Variants in PHYHD1 observed in about 807,000 individuals in gnomAD.
The protein encoded by PHYHD1 is phytanoyl-CoA dioxygenase domain containing 1, also known as phytanoyl-CoA dioxygenase domain-containing protein 1.
Under a neutral mutation model 43.6 loss-of-function variants are expected in PHYHD1, and 42 were observed. The ratio of observed to expected loss-of-function variants is 0.96; its 90% CI spans 0.75 to 1.25. The LOEUF (loss-of-function observed/expected upper bound fraction) is 1.25, where lower values mean the gene tolerates loss of function less well. Ranked by LOEUF, PHYHD1 falls within the 50% of genes most tolerant of loss-of-function variation. The probability of loss-of-function intolerance (pLI) is 0.00; values close to 1 mark genes in which losing one functional copy is unlikely to be tolerated. For missense variants in PHYHD1, 342 were observed against 370.8 expected, an observed-to-expected ratio of 0.92 and a Z score of 0.64; for synonymous variants, 139 against 143.6, an observed-to-expected ratio of 0.97 and a Z score of 0.23.
chr9:128,933,424 T>C (rs1034719761), intron 4 of PHYHD1, among the ~76,000 whole-genome samples: 3 of 151,882 alleles, frequency 2.0e-5, no homozygotes, highest in Non-Finnish European at 2.9e-5. Context: ...CAGGTGTGAG[T>C]CGTTACTCCC....
intron 9 of PHYHD1, chr9:128,938,042 C>T (rs1041872139): frequency 4.1e-6 from 5 of 1,206,164 alleles, no homozygotes; most frequent in South Asian, 1.6e-5. Flanking sequence ...CGTGGTGGCT[C>T]ATGCCTGTAA....
intron 9 of PHYHD1, among the ~76,000 whole-genome samples, chr9:128,939,797 GGCGCCT>G (rs906375017): frequency 4.1e-5 from 5 of 121,852 alleles, no homozygotes; most frequent in African/African-American, 1.3e-4. Context: ...TGGGATTACA[GGCGCCT>G]GCCACCACAC....
At chr9:128,923,159 G>T (rs1841045915) in intron 3 of PHYHD1, among the ~76,000 whole-genome samples, 1 of 152,196 alleles carries the variant, frequency 6.6e-6, no homozygotes, top group Non-Finnish European at 1.5e-5. Context: ...GGCCAGACTG[G>T]TCTTGAACTC....
rs115385660 is a variant in PHYHD1 at position 128,922,008 on chromosome 9, C to T, written c.-81C>T. 1.8e-3 allele frequency: 756 copies of T among 412,716 alleles called. 1 individual carries two copies. Among genetic ancestry groups the T allele is most frequent in the African/African-American group, 0.012 (584 of 48,574 alleles). 25.6% of individuals were successfully genotyped at this position (412,716 alleles called of 1,614,324 possible). On this transcript the variant is annotated 5_prime_UTR_variant, in exon 2 of 13. Transcript: ENST00000372592. ...CCTGGACTGGGACTCAGCCCAGCTG[C>T]TTGGCCTGACCCTCTCACAGCATAA...
chr9:128,933,007 C>T (rs1170915821), intron 4 of PHYHD1, among the ~76,000 whole-genome samples: 1 of 148,052 alleles, frequency 6.8e-6, no homozygotes, highest in East Asian at 2.0e-4. Context: ...GCCACCATGC[C>T]CGGCTAATTT....
At chr9:128,934,306 T>C (rs556805569) in intron 6 of PHYHD1, among the ~76,000 whole-genome samples, 4 of 151,976 alleles carry the variant, frequency 2.6e-5, no homozygotes, top group Admixed American at 6.6e-5. Flanking sequence ...GGAGAATTGC[T>C]TGAACCTGGG....
rs977361037 is a variant in PHYHD1 at position 128,939,099 on chromosome 9, C to A, written c.458-1270C>A. 3.0e-5 allele frequency among the ~76,000 whole-genome samples: 4 copies of A among 131,890 alleles called. 1 individual carries two copies. The highest frequency in any genetic ancestry group is 1.0e-4 in the African/African-American group (4 of 39,968). 86.5% of individuals were successfully genotyped at this position (131,890 alleles called of 152,430 possible). On this transcript the variant is annotated intron_variant, in intron 9 of 12. Transcript: ENST00000372592. ...CATTCCTCTCCCAAATGTTTCAAAG[C>A]CCCTTCCATTTCAAATGTTCCTTTG...
At chr9:128,934,179 G>A in intron 6 of PHYHD1, 121 bp downstream of exon 6, 1 of 1,068,024 alleles carries the variant, frequency 9.4e-7, no homozygotes. Flanking sequence ...CTTGAAGTCA[G>A]GAGTTCAAGA....
chr9:128,930,706 T>G (rs1446935000), intron 4 of PHYHD1, among the ~76,000 whole-genome samples: 3 of 151,826 alleles, frequency 2.0e-5, no homozygotes, highest in South Asian at 4.2e-4. Flanking sequence ...CCCCAGCACT[T>G]TGGGAGGCCG....
intron 8 of PHYHD1, among the ~76,000 whole-genome samples, chr9:128,937,241 C>T (rs185820280): frequency 1.3e-5 from 2 of 151,950 alleles, no homozygotes; most frequent in African/African-American, 4.8e-5. Flanking sequence ...TAGCGAGACC[C>T]CATTCTCCAC....
intron 6 of PHYHD1, among the ~76,000 whole-genome samples, chr9:128,934,637 G>A (rs903325423): frequency 2.0e-5 from 3 of 151,862 alleles, no homozygotes; most frequent in Middle Eastern, 3.4e-3. Context: ...ATATGGTTGC[G>A]CATGCCTGTA....
intron 4 of PHYHD1, among the ~76,000 whole-genome samples, chr9:128,932,042 T>C (rs1360872415): frequency 6.7e-6 from 1 of 148,742 alleles, no homozygotes; most frequent in Non-Finnish European, 1.5e-5. Context: ...ATCATATTGG[T>C]CAGGCTGGTC....
At chr9:128,934,634 T>G in intron 6 of PHYHD1, among the ~76,000 whole-genome samples, 1 of 151,362 alleles carries the variant, frequency 6.6e-6, no homozygotes, top group Non-Finnish European at 1.5e-5. Flanking sequence ...TGAATATGGT[T>G]GCGCATGCCT....
Position 128,941,505 on chromosome 9 carries a change from G to A in PHYHD1, c.764G>A (p.Arg255His), listed in dbSNP as rs779416306. 1.4e-5 allele frequency: 22 copies of A among 1,613,882 alleles called. No individual in the cohort carries two copies. Among genetic ancestry groups the A allele is most frequent in the African/African-American group, 6.7e-5 (5 of 74,878 alleles). ...VHKSKQNLSD[R>H]SRQAYTFHLM... ...AAGAGCAAGCAGAACCTCTCTGACC[G>A]CTCGCGCCAGGCCTACACTTTCCAC... Residue 255 changes from arginine to histidine, a missense_variant, in exon 12 of 13, where the codon CGC becomes CAC. Arg to His is a conservative substitution (Grantham distance 29). Transcript: ENST00000372592.
At chr9:128,933,419 G>A (rs1841347569) in intron 4 of PHYHD1, among the ~76,000 whole-genome samples, 1 of 152,082 alleles carries the variant, frequency 6.6e-6, no homozygotes, top group Admixed American at 6.6e-5. Flanking sequence ...GATTACAGGT[G>A]TGAGTCGTTA....
At chr9:128,925,366 C>T (rs1041043279) in intron 3 of PHYHD1, among the ~76,000 whole-genome samples, 2 of 151,652 alleles carry the variant, frequency 1.3e-5, no homozygotes, top group African/African-American at 4.8e-5. Context: ...GCTGGGATTA[C>T]AGGTGCCCGC....
intron 7 of PHYHD1, 40 bp downstream of exon 7, chr9:128,936,543 T>C (rs770051375): frequency 1.3e-5 from 21 of 1,610,920 alleles, no homozygotes; most frequent in Non-Finnish European, 1.7e-5. Context: ...GGGTGGGCCA[T>C]GTGTGGCAGG....
At chr9:128,922,644 C>A (rs1841029071) in intron 3 of PHYHD1, among the ~76,000 whole-genome samples, 1 of 152,238 alleles carries the variant, frequency 6.6e-6, no homozygotes, top group African/African-American at 2.4e-5. Context: ...GAGTCGGCAA[C>A]GCTGTTGGGG....
At chr9:128,941,386 G>A in intron 11 of PHYHD1, 59 bp from the exon 12 acceptor site, 1 of 1,597,686 alleles carries the variant, frequency 6.3e-7, no homozygotes, top group South Asian at 1.1e-5. Flanking sequence ...GTCCCTTCCT[G>A]CTCTGGGGAG....
Sources: allele counts gnomAD v4.1 joint callset (sites outside exome capture counted in the v4.1 genomes callset), GRCh38; gene constraint gnomAD v4.1.1; transcripts MANE v1.5; gene names NCBI Gene and HGNC (gene_info 2026-07-23, HGNC 2026-07-21).